Variants in OTOF observed in about 807,000 individuals in gnomAD.
The protein encoded by OTOF is fer-1-like family member 2.
OTOF carries 218 observed loss-of-function variants against 236.8 expected under a neutral mutation model. The ratio of observed to expected loss-of-function variants is 0.92; its 90% CI spans 0.82 to 1.03. The LOEUF (loss-of-function observed/expected upper bound fraction) is 1.03, where lower values mean the gene tolerates loss of function less well. Among genes scored for constraint, OTOF ranks in the 50% least tolerant of loss-of-function variants. OTOF has a pLI of 0.00. For missense variants in OTOF, 2,590 were observed against 2,694.4 expected (o/e 0.96, Z 0.86); for synonymous variants, 1,041 against 1,072.5 (o/e 0.97, Z 0.57).
At position 26,472,304 on chromosome 2, in the gene OTOF, A is replaced by G. The variant is rs1231724801; in HGVS notation, c.3864+215T>C. On this transcript the variant is annotated intron_variant, in intron 30 of 46. Coordinates refer to ENST00000272371, the MANE Select transcript of OTOF (RefSeq NM_194248.3). ...GCACACCACACACATGCGCACACAC[A>G]TGCACATTTACATACCACACGCACG... 1.6e-5 allele frequency: 10 copies of G among 620,254 alleles called. No individual in the cohort carries two copies. In the Admixed American group the frequency reaches 2.1e-4, roughly 13 times the overall value. The allele number at this position is 620,254 out of a possible 1,614,324, so 38.4% of individuals were successfully genotyped here.
intron 32 of OTOF, among the ~76,000 whole-genome samples, chr2:26,469,809 C>T (rs1664895012): frequency 6.6e-6 from 1 of 152,192 alleles, no homozygotes; most frequent in Non-Finnish European, 1.5e-5. Context: ...AATATCACAC[C>T]TAGCTTGGGT....
chr2:26,475,003 G>T (rs978715790), intron 25 of OTOF, among the ~76,000 whole-genome samples: 1 of 152,092 alleles, frequency 6.6e-6, no homozygotes, highest in Non-Finnish European at 1.5e-5. Flanking sequence ...CCCTGCTCCA[G>T]AACCTCCACG....
intron 3 of OTOF, among the ~76,000 whole-genome samples, chr2:26,526,727 G>A (rs1001508808): frequency 1.3e-5 from 2 of 152,202 alleles, no homozygotes; most frequent in Non-Finnish European, 2.9e-5. Context: ...GATTTAGGAT[G>A]AGGCCTACTT....
At chr2:26,458,997 A>G (rs1401395644) in intron 46 of OTOF, among the ~76,000 whole-genome samples, 2 of 152,212 alleles carry the variant, frequency 1.3e-5, no homozygotes, top group Non-Finnish European at 2.9e-5. Flanking sequence ...GGTTACAAGC[A>G]GTACCTACCT....
Position 26,473,693 on chromosome 2 carries a change from CA to C in OTOF, c.3409-127del. On this transcript the variant is annotated intron_variant, in intron 27 of 46. Coordinates refer to ENST00000272371, the MANE Select transcript of OTOF (RefSeq NM_194248.3). The surrounding 1 kb of genome is among the most constrained non-coding windows in gnomAD (Gnocchi z 7.2). ...ATGGGCAGTAGTTCACCCCAGATTT[CA>C]AAGGGTGGGAGCAGGGCCAGGAGAG... The C allele has an allele frequency of 9.5e-7, 1 of 1,048,334 alleles. No homozygotes were observed. Among genetic ancestry groups the C allele is most frequent in the Non-Finnish European group, 1.4e-6 (1 of 726,932 alleles). 64.9% of individuals were successfully genotyped at this position (1,048,334 alleles called of 1,614,324 possible).
intron 4 of OTOF, among the ~76,000 whole-genome samples, chr2:26,518,167 G>A (rs899665649): frequency 2.6e-5 from 4 of 152,180 alleles, no homozygotes; most frequent in Non-Finnish European, 5.9e-5. Flanking sequence ...GACCCCACTG[G>A]GGGACCATGG....
At position 26,460,562 on chromosome 2, in the gene OTOF, A is replaced by G. The variant is rs1664410863; in HGVS notation, c.5813+85T>C. 1.9e-6 allele frequency: 2 copies of G among 1,061,920 alleles called. No individual in the cohort carries two copies. 65.8% of individuals were successfully genotyped at this position (1,061,920 alleles called of 1,614,324 possible). On this transcript the variant is annotated intron_variant, in intron 45 of 46. Transcript: ENST00000272371. The surrounding 1 kb of genome is among the most constrained non-coding windows in gnomAD (Gnocchi z 5.3). ...TAATGAGGCTGTGGCCCAGGAAGAG[A>G]TGGGGTGTCTGGGGATCGTCTCCTT...
intron 4 of OTOF, among the ~76,000 whole-genome samples, chr2:26,518,731 T>C (rs113594956): frequency 3.3e-5 from 5 of 152,230 alleles, no homozygotes; most frequent in African/African-American, 4.8e-5. Context: ...TAGTGACTCC[T>C]GAGCTGGGTC....
intron 22 of OTOF, 108 bp downstream of exon 22, chr2:26,476,783 C>A (rs1188367647): frequency 4.3e-6 from 4 of 927,684 alleles, no homozygotes; most frequent in Non-Finnish European, 6.8e-6. Context: ...TCTCTGAGCA[C>A]CTGCTGCTTG....
chr2:26,530,385 A>G (rs1483407766), intron 2 of OTOF, among the ~76,000 whole-genome samples: 1 of 152,124 alleles, frequency 6.6e-6, no homozygotes. Context: ...GATGAGAATA[A>G]TCAGGGGAAG....
chr2:26,532,656 G>A (rs545960962), intron 2 of OTOF, among the ~76,000 whole-genome samples: 18 of 152,288 alleles, frequency 1.2e-4, no homozygotes, highest in Admixed American at 1.0e-3. Flanking sequence ...GATAGGGAGG[G>A]AAAGAGGGCC....
intron 2 of OTOF, among the ~76,000 whole-genome samples, chr2:26,532,187 C>T (rs916121199): frequency 6.6e-6 from 1 of 151,400 alleles, no homozygotes; most frequent in Non-Finnish European, 1.5e-5. Context: ...AGCACATTTA[C>T]CCATAACCAA....
chr2:26,532,940 G>A (rs1261615167), intron 2 of OTOF, among the ~76,000 whole-genome samples: 1 of 152,168 alleles, frequency 6.6e-6, no homozygotes, highest in Non-Finnish European at 1.5e-5. Flanking sequence ...AGGTTTGGGG[G>A]AAAATATTGA....
At position 26,460,684 on chromosome 2, in the gene OTOF, G is replaced by T. The variant is rs763255437; in HGVS notation, c.5776C>A (p.Leu1926Met). The T allele has an allele frequency of 2.5e-6, 4 of 1,614,142 alleles. No individual in the cohort carries two copies. The Admixed American group carries it at 6.7e-5, about 27-fold the overall frequency. ...AEEAEKNPVG[L>M]ARNEPDPLEK... ...AGGGGGTCAGGTTCATTGCGGGCCA[G>T]GCCCACTGGGTTCTTCTCTGCCTCC... Residue 1926 changes from leucine to methionine, a missense_variant, in exon 45 of 47, where the codon CTG (leucine) becomes ATG (methionine). By Grantham distance (15) the Leu-to-Met change is conservative. Around this residue, in one of 2 missense-constraint regions of OTOF, gnomAD observed 1,211 missense variants for 1,352.8 expected, o/e 0.90. Coordinates refer to ENST00000272371, the MANE Select transcript of OTOF (RefSeq NM_194248.3). This position sits in a 1 kb window ranked among gnomAD's most constrained non-coding sequence, Gnocchi z 5.3.
At chr2:26,510,728 C>T in intron 5 of OTOF, 2 of 1,289,386 alleles carry the variant, frequency 1.6e-6, no homozygotes, top group African/African-American at 1.5e-5. Context: ...CTCTGCCTCC[C>T]TTGGTCTTCT....
chr2:26,540,419 C>T lies in OTOF; in HGVS notation c.80-2645G>A, dbSNP rs534170661. 6.6e-5 allele frequency among the ~76,000 whole-genome samples: 10 copies of T among 152,284 alleles called. No individual in the cohort carries two copies. In the East Asian group the frequency reaches 1.2e-3, roughly 18 times the overall value. On this transcript the variant is annotated intron_variant, in intron 1 of 46. Coordinates refer to ENST00000272371, the MANE Select transcript of OTOF (RefSeq NM_194248.3). The stretch of plus-strand genomic sequence containing the variant: ...GAGCCCGGGCTAGAGCGGCGTCAGG[C>T]CAAGGAGGTACTGGAGGGGTCAGAG...
At chr2:26,522,598 G>C (rs1280138681) in intron 3 of OTOF, among the ~76,000 whole-genome samples, 1 of 152,238 alleles carries the variant, frequency 6.6e-6, no homozygotes, top group Non-Finnish European at 1.5e-5. Flanking sequence ...CTGCCTGGGA[G>C]AGTGGGGCCC....
At chr2:26,539,527 G>A (rs185260614) in intron 1 of OTOF, among the ~76,000 whole-genome samples, 269 of 152,254 alleles carry the variant, frequency 1.8e-3, no homozygotes, top group African/African-American at 5.9e-3. Context: ...CCTGAGGTCG[G>A]GAGTTCGAGA....
intron 8 of OTOF, among the ~76,000 whole-genome samples, chr2:26,501,459 G>A (rs1277720157): frequency 6.6e-6 from 1 of 152,094 alleles, no homozygotes; most frequent in Non-Finnish European, 1.5e-5. Flanking sequence ...GTCTCTTTAT[G>A]GTTTTTCTAG....
Sources: allele counts gnomAD v4.1 joint callset (sites outside exome capture counted in the v4.1 genomes callset), GRCh38; gene constraint gnomAD v4.1.1; regional missense constraint gnomAD v4.1.1; non-coding constraint Gnocchi (gnomAD v3.1); transcripts MANE v1.5; gene names NCBI Gene and HGNC (gene_info 2026-07-23, HGNC 2026-07-21).